Variants in MIB1 observed in about 807,000 individuals in gnomAD.
MIB1 encodes the protein E3 ubiquitin-protein ligase MIB1.
Under a neutral mutation model 124.5 loss-of-function variants are expected in MIB1, and 278 were observed. That is an observed-to-expected ratio of 2.23 (90% CI 2.02 to 2.47). The LOEUF (loss-of-function observed/expected upper bound fraction) is 2.47, where lower values mean the gene tolerates loss of function less well. Among genes scored for constraint, MIB1 ranks in the 30% most tolerant of loss-of-function variants. The pLI, the probability that MIB1 is intolerant of heterozygous loss-of-function variation, is 0.00. For synonymous variants in MIB1, 446 were observed against 429.4 expected, an observed-to-expected ratio of 1.04 and a Z score of -0.48; for missense variants, 957 against 1,254.4, an observed-to-expected ratio of 0.76 and a Z score of 3.58.
At chr18:21,811,781 A>G (rs550197586) in intron 10 of MIB1, among the ~76,000 whole-genome samples, 7 of 152,236 alleles carry the variant, frequency 4.6e-5, no homozygotes, top group African/African-American at 7.2e-5. Context: ...CAAGATGAAA[A>G]AAGTTCTAGA....
rs191693553 is a variant in MIB1, at chr18:21,791,326, A to G, written c.909-48A>G. The G allele has an allele frequency of 2.2e-3, 3,204 of 1,482,694 alleles. 6 individuals are homozygous for G. The highest frequency in any genetic ancestry group is 2.6e-3 in the Non-Finnish European group (2,819 of 1,102,026). 91.8% of individuals were successfully genotyped at this position (1,482,694 alleles called of 1,614,324 possible). On this transcript the variant is annotated intron_variant, in intron 6 of 20. Transcript: ENST00000261537. ...CTTCACTGTTTAAGAATTTTGTATT[A>G]AAATTAAGCAAAGCTACCCATTTTG...
intron 20 of MIB1, among the ~76,000 whole-genome samples, chr18:21,859,633 A>G (rs2042256979): frequency 6.6e-6 from 1 of 152,080 alleles, no homozygotes; most frequent in African/African-American, 2.4e-5. Flanking sequence ...TCATGCCTGT[A>G]ATCCCAGCAC....
intron 20 of MIB1, among the ~76,000 whole-genome samples, chr18:21,858,860 T>TC (rs1385728815): frequency 3.3e-5 from 5 of 152,120 alleles, no homozygotes; most frequent in Non-Finnish European, 1.5e-5. Flanking sequence ...GAAAAAATGG[T>TC]CCAACCACAT....
At chr18:21,818,334 G>C (rs1341476348) in intron 11 of MIB1, among the ~76,000 whole-genome samples, 1 of 152,026 alleles carries the variant, frequency 6.6e-6, no homozygotes, top group African/African-American at 2.4e-5. Context: ...AGCCAAGTTT[G>C]AAAGCCACCG....
Position 21,867,822 on chromosome 18 carries a change from C to T in MIB1, c.*3156C>T, listed in dbSNP as rs974150217. On this transcript the variant is annotated 3_prime_UTR_variant, in exon 21 of 21. Coordinates refer to ENST00000261537, the MANE Select transcript of MIB1 (RefSeq NM_020774.4). ...GTGTTGCCCAATTGCTGTTTGTCCA[C>T]TCTGAATTCTGGACCCTTTTTGGAC... The T allele has an allele frequency of 6.6e-6, 1 of 152,512 alleles. No individual in the cohort carries two copies. Among genetic ancestry groups the T allele is most frequent in the Non-Finnish European group, 1.5e-5 (1 of 67,948 alleles). The allele number at this position is 152,512 out of a possible 1,614,324, so 9.4% of individuals were successfully genotyped here.
At chr18:21,711,847 C>T (rs1175626951) in intron 1 of MIB1, 2 of 152,168 alleles carry the variant, frequency 1.3e-5, no homozygotes, top group African/African-American at 4.8e-5. Flanking sequence ...GCCCATGCCA[C>T]CATGTCTGGC....
At chr18:21,788,271 T>C (rs1195741745) in intron 6 of MIB1, among the ~76,000 whole-genome samples, 2 of 152,208 alleles carry the variant, frequency 1.3e-5, no homozygotes, top group African/African-American at 4.8e-5. Flanking sequence ...CCTGAGGTTC[T>C]TTGGGGAAGT....
At chr18:21,725,978 T>C (rs557208665) in intron 1 of MIB1, among the ~76,000 whole-genome samples, 33 of 152,222 alleles carry the variant, frequency 2.2e-4, no homozygotes, top group African/African-American at 7.7e-4. Context: ...ACACCCTGTC[T>C]GTTAACTCTC....
chr18:21,835,892 T>C (rs1336306060), intron 12 of MIB1, among the ~76,000 whole-genome samples: 4 of 148,828 alleles, frequency 2.7e-5, no homozygotes, highest in Admixed American at 6.8e-5. Flanking sequence ...GTATTTGTAC[T>C]ATGTTTGAGT....
At position 21,819,624 on chromosome 18, in the gene MIB1, G is replaced by A. The variant is rs1194841115; in HGVS notation, c.1807G>A (p.Ala603Thr). The part of the protein sequence containing the change: ...NNNGFNALHH[A>T]ALRGNPSAMR... ...TAATGGATTTAATGCTCTGCATCAT[G>A]CTGCACTAAGGGGAAATCCCAGGTA... Residue 603 changes from alanine to threonine, a missense_variant, in exon 12 of 21, where the codon GCT becomes ACT. Ala to Thr is a moderately conservative substitution (Grantham distance 58). Transcript: ENST00000261537. The A allele has an allele frequency of 1.3e-6, 2 of 1,589,524 alleles. No homozygotes were observed. The highest frequency in any genetic ancestry group is 4.6e-5 in the East Asian group (2 of 43,948).
At position 21,866,871 on chromosome 18, in the gene MIB1, G is replaced by A. The variant is rs45475595; in HGVS notation, c.*2205G>A. The A allele has an allele frequency of 0.016, 2,445 of 152,522 alleles. 38 individuals are homozygous for A. Among genetic ancestry groups the A allele is most frequent in the East Asian group, 0.069 (355 of 5,180 alleles). The allele number at this position is 152,522 out of a possible 1,614,324, so 9.4% of individuals were successfully genotyped here. A position where few individuals can be genotyped will look rare whatever the true frequency, so the allele number is the denominator to read the frequency against. The stretch of plus-strand genomic sequence containing the variant: ...GAATAGAAAATACTTCTTTATTCAT[G>A]TTTTCAATCACTTAGAATTATTTTA... On this transcript the variant is annotated 3_prime_UTR_variant, in exon 21 of 21. Coordinates refer to ENST00000261537, the MANE Select transcript of MIB1 (RefSeq NM_020774.4).
chr18:21,843,157 T>A lies in MIB1; in HGVS notation c.1989T>A (p.Asn663Lys). ...HQGNANLDIQNVNQQTALHLA... is the reference protein window; with the variant it reads ...HQGNANLDIQKVNQQTALHLA... The stretch of plus-strand genomic sequence containing the variant: ...GTAATGCAAACCTGGATATCCAGAA[T>A]GTGAACCAACAAACTGCCCTACACC... Residue 663 changes from asparagine to lysine, a missense_variant, in exon 14 of 21, where the codon AAT becomes AAA. Coordinates refer to ENST00000261537, the MANE Select transcript of MIB1 (RefSeq NM_020774.4). 2 of 1,603,978 alleles carry A rather than the reference T, an allele frequency of 1.2e-6. No individual in the cohort carries two copies. Among genetic ancestry groups the A allele is most frequent in the South Asian group, 1.1e-5 (1 of 88,674 alleles).
intron 15 of MIB1, among the ~76,000 whole-genome samples, chr18:21,845,343 C>G (rs1345316211): frequency 6.6e-6 from 1 of 152,080 alleles, no homozygotes; most frequent in African/African-American, 2.4e-5. Context: ...TTGGAAGAGT[C>G]AAATTTTTTA....
At chr18:21,763,936 A>AT (rs1196659250) in intron 1 of MIB1, among the ~76,000 whole-genome samples, 2 of 149,938 alleles carry the variant, frequency 1.3e-5, no homozygotes, top group East Asian at 1.9e-4. Context: ...TATTTTTTTT[A>AT]TTTTTTTTAT....
At chr18:21,762,805 T>C (rs1310666914) in intron 1 of MIB1, among the ~76,000 whole-genome samples, 1 of 152,196 alleles carries the variant, frequency 6.6e-6, no homozygotes, top group Non-Finnish European at 1.5e-5. Context: ...TTTTAATCTT[T>C]TAATTCACAG....
At chr18:21,848,310 G>T (rs2042152040) in intron 16 of MIB1, among the ~76,000 whole-genome samples, 1 of 151,886 alleles carries the variant, frequency 6.6e-6, no homozygotes, top group African/African-American at 2.4e-5. Flanking sequence ...ACAAAAACTA[G>T]CTGGGCGCAT....
chr18:21,790,783 A>G (rs952814455), intron 6 of MIB1, among the ~76,000 whole-genome samples: 5 of 152,226 alleles, frequency 3.3e-5, no homozygotes, highest in Non-Finnish European at 5.9e-5. Flanking sequence ...CAATAATTGT[A>G]TATTACTTTT....
Position 21,741,491 on chromosome 18 carries a change from A to G in MIB1, c.-93A>G, listed in dbSNP as rs1354795675. On this transcript the variant is annotated 5_prime_UTR_variant, in exon 1 of 21. Coordinates refer to ENST00000261537, the MANE Select transcript of MIB1 (RefSeq NM_020774.4). This position sits in a 1 kb window ranked among gnomAD's most constrained non-coding sequence, Gnocchi z 5.4. The stretch of plus-strand genomic sequence containing the variant: ...CTCGCTGCCGCCCCCGCCGACGCCT[A>G]GAGTCCGGCCCGGGCCCAACTCCCT... 45 of 849,694 alleles carry G rather than the reference A, an allele frequency of 5.3e-5. No homozygotes were observed. Among genetic ancestry groups the G allele is most frequent in the Non-Finnish European group, 6.6e-5 (43 of 649,594 alleles). 52.6% of individuals were successfully genotyped at this position (849,694 alleles called of 1,614,324 possible). A position where few individuals can be genotyped will look rare whatever the true frequency, so the allele number is the denominator to read the frequency against.
At chr18:21,735,246 A>G (rs1314734114) in intron 1 of MIB1, among the ~76,000 whole-genome samples, 1 of 152,122 alleles carries the variant, frequency 6.6e-6, no homozygotes, top group East Asian at 1.9e-4. Flanking sequence ...GCATTGTCTC[A>G]CTCAGGAAGC....
Sources: allele counts gnomAD v4.1 joint callset (sites outside exome capture counted in the v4.1 genomes callset), GRCh38; gene constraint gnomAD v4.1.1; non-coding constraint Gnocchi (gnomAD v3.1); transcripts MANE v1.5; gene names NCBI Gene and HGNC (gene_info 2026-07-23, HGNC 2026-07-21).